Variants in CHTF18 observed in about 807,000 individuals in gnomAD.
CHTF18 encodes the protein chromosome transmission fidelity factor 18.
A neutral mutation model predicts 113.4 loss-of-function variants in CHTF18; 151 were observed. The ratio of observed to expected loss-of-function variants is 1.33; its 90% CI spans 1.17 to 1.52. CHTF18 has a LOEUF of 1.52. CHTF18 is among the 40% of genes most tolerant of loss of function. CHTF18 has a pLI of 0.00. For synonymous variants in CHTF18, 916 were observed against 598.8 expected (o/e 1.53, Z -7.74); for missense variants, 1,982 against 1,381.6 (o/e 1.43, Z -6.89).
At chr16:789,449 G>A (rs2042105620) in intron 3 of CHTF18, 89 bp downstream of exon 3, 5 of 1,535,078 alleles carry the variant, frequency 3.3e-6, no homozygotes, top group African/African-American at 2.7e-5. Context: ...GGCCTGGGGG[G>A]TGGGGAGGGT....
chr16:790,307 C>A (rs3765262), intron 5 of CHTF18, 38 bp downstream of exon 5: 77,722 of 1,609,852 alleles, frequency 0.048, 4,050 homozygotes, highest in East Asian at 0.29. Context: ...GGTGGCGGGG[C>A]CGCCTGAGCC....
At position 789,302 on chromosome 16, in the gene CHTF18, C is replaced by A. The variant is rs762444998; in HGVS notation, c.379C>A (p.Pro127Thr). The change falls in exon 3 of 22, where the codon CCG (proline) becomes ACG (threonine). Residue 127 changes from proline to threonine, a missense_variant. By Grantham distance (38) the Pro-to-Thr change is conservative (BLOSUM62 -1). Transcript: ENST00000262315. ...GGAGCCGCCCCCTCCCGACTCCTCGCCGACGGACATCACCCCGCCGCCGAG... is the reference window on the plus strand; with the variant it reads ...GGAGCCGCCCCCTCCCGACTCCTCGACGACGGACATCACCCCGCCGCCGAG... ...MEEPPPPDSS[P>T]TDITPPPSPE... The A allele has an allele frequency of 4.4e-6, 7 of 1,596,670 alleles. No homozygotes were observed. Among genetic ancestry groups the A allele is most frequent in the Admixed American group, 1.7e-5 (1 of 57,872 alleles).
chr16:791,718 T>C, intron 8 of CHTF18, 133 bp from the exon 9 acceptor site: 1 of 1,443,390 alleles, frequency 6.9e-7, no homozygotes, highest in Non-Finnish European at 9.1e-7. Flanking sequence ...CTCAATTTTG[T>C]TCTTATTTGA....
chr16:796,639 C>T (rs1051063859), intron 18 of CHTF18, 78 bp from the exon 19 acceptor site: 81 of 1,441,776 alleles, frequency 5.6e-5, no homozygotes, highest in Admixed American at 7.6e-5. Flanking sequence ...TTGGGGTTTG[C>T]GGTTGGAGTG....
At chr16:789,447 G>A (rs1032636748) in intron 3 of CHTF18, 87 bp downstream of exon 3, 8 of 1,535,238 alleles carry the variant, frequency 5.2e-6, no homozygotes, top group Admixed American at 3.8e-5. Context: ...GAGGCCTGGG[G>A]GGTGGGGAGG....
intron 15 of CHTF18, 32 bp downstream of exon 15, chr16:794,233 G>T (rs2151647171): frequency 1.2e-6 from 2 of 1,602,778 alleles, no homozygotes; most frequent in Non-Finnish European, 1.7e-6. Flanking sequence ...GCCTGCCTGG[G>T]GCCGCCTGGC....
chr16:797,511 G>A (rs1021430192), intron 20 of CHTF18, among the ~76,000 whole-genome samples, 183 bp from the exon 21 acceptor site: 1 of 152,136 alleles, frequency 6.6e-6, no homozygotes, highest in Non-Finnish European at 1.5e-5. Context: ...TTCTTGATTG[G>A]CACCTGGTGG....
rs756054960 is a variant in CHTF18, at chr16:796,901, C to T, written c.2601+40C>T. ...GCTCTGGAGCAGGTTGCAGTCTGGG[C>T]GTGCACCATCCCCACTGTATCCCTG... On this transcript the variant is annotated intron_variant, in intron 19 of 21. Coordinates refer to ENST00000262315, the MANE Select transcript of CHTF18 (RefSeq NM_022092.3). The T allele has an allele frequency of 1.5e-5, 24 of 1,558,534 alleles. 1 individual carries two copies. In the East Asian group the frequency reaches 1.8e-4, roughly 12 times the overall value.
Position 789,275 on chromosome 16 carries a change from G to A in CHTF18, c.352G>A (p.Glu118Lys). ...GCTGAACTTCAGATCGGAGGAGATG[G>A]AGGAGCCGCCCCCTCCCGACTCCTC... ...KRLNFRSEEM[E>K]EPPPPDSSPT... is the part of the protein sequence containing the mutation. The change falls in exon 3 of 22, where the codon GAG becomes AAG. Residue 118 changes from glutamate (E) to lysine (K), a missense_variant. Coordinates refer to ENST00000262315, the MANE Select transcript of CHTF18 (RefSeq NM_022092.3). 6.4e-7 allele frequency: 1 copy of A among 1,574,162 alleles called. No homozygotes were observed. Among genetic ancestry groups the A allele is most frequent in the Non-Finnish European group, 8.6e-7 (1 of 1,161,178 alleles).
In CHTF18 at chr16:793,718, C is replaced by T. The variant is rs116197382; in HGVS notation, c.1803-336C>T. ...GGACCCCAGGGGATGCTGGCCTGGT[C>T]GTGCTGCAGGATATGGGAGACGCTG... On this transcript the variant is annotated intron_variant, in intron 14 of 21. Coordinates refer to ENST00000262315, the MANE Select transcript of CHTF18 (RefSeq NM_022092.3). 1,643 of 639,592 alleles carry T rather than the reference C, an allele frequency of 2.6e-3. 16 individuals carry two copies. The highest frequency in any genetic ancestry group is 0.025 in the African/African-American group (1,415 of 56,022). 39.6% of individuals were successfully genotyped at this position (639,592 alleles called of 1,614,324 possible). A position where few individuals can be genotyped will look rare whatever the true frequency, so the allele number is the denominator to read the frequency against.
chr16:791,541 G>A lies in CHTF18; in HGVS notation c.1104+171G>A, dbSNP rs117110675. On this transcript the variant is annotated intron_variant, in intron 8 of 21. Transcript: ENST00000262315. Reference sequence around the variant, plus strand: ...AACTGGAGCGTTGCAGTAACAACTCGGGGGAAGTCGTTGTCCCTGAAGGGC... The same window carrying A: ...AACTGGAGCGTTGCAGTAACAACTCAGGGGAAGTCGTTGTCCCTGAAGGGC... The A allele has an allele frequency of 6.6e-4, 946 of 1,435,278 alleles. 17 individuals are homozygous for A. The East Asian group carries it at 0.02, about 30-fold the overall frequency. 88.9% of individuals were successfully genotyped at this position (1,435,278 alleles called of 1,614,324 possible).
intron 9 of CHTF18, 91 bp downstream of exon 9, chr16:792,039 C>T (rs984353195): frequency 2.6e-5 from 41 of 1,547,744 alleles, no homozygotes; most frequent in Middle Eastern, 3.3e-4. Context: ...TGGATGTTCC[C>T]GTCTTGAGGG....
rs535457171 is a variant in CHTF18, at chr16:798,044, C to T, written c.*69C>T. Reference sequence around the variant, plus strand: ...TGCAGAGACAGGAAGCTGGAGATGTCTTTATAAAGTCACACCTTTACAGAC... The same window carrying T: ...TGCAGAGACAGGAAGCTGGAGATGTTTTTATAAAGTCACACCTTTACAGAC... On this transcript the variant is annotated 3_prime_UTR_variant, in exon 22 of 22. Coordinates refer to ENST00000262315, the MANE Select transcript of CHTF18 (RefSeq NM_022092.3). 1,078 of 1,543,872 alleles carry T rather than the reference C, an allele frequency of 7.0e-4. 1 individual carries two copies. The highest frequency in any genetic ancestry group is 9.2e-4 in the Non-Finnish European group (1,055 of 1,143,572).
intron 15 of CHTF18, among the ~76,000 whole-genome samples, chr16:794,459 G>T (rs542515161): frequency 6.6e-6 from 1 of 152,202 alleles, no homozygotes; most frequent in African/African-American, 2.4e-5. Context: ...TCTGGTGGCT[G>T]CTTGGGACTC....
chr16:795,724 A>G lies in CHTF18; in HGVS notation c.2215A>G (p.Thr739Ala), dbSNP rs2042324393. The G allele has an allele frequency of 4.4e-6, 7 of 1,605,980 alleles. No homozygotes were observed. Among genetic ancestry groups the G allele is most frequent in the African/African-American group, 1.4e-5 (1 of 72,852 alleles). The change falls in exon 17 of 22, where the codon ACG becomes GCG. Residue 739 changes from threonine (T) to alanine (A), a missense_variant. By Grantham distance (58) the Thr-to-Ala change is moderately conservative (BLOSUM62 0). Transcript: ENST00000262315. ...RMSQMRNLIQ[T>A]LVSGIAPATR... ...GAGCCAGATGAGGAACCTGATCCAG[A>G]CGCTGGTGTCCGGCATCGCGCCAGC...
At chr16:788,879 TG>T in intron 1 of CHTF18, 51 bp from the exon 2 acceptor site, 1 of 1,502,206 alleles carries the variant, frequency 6.7e-7, no homozygotes, top group Non-Finnish European at 8.8e-7. Flanking sequence ...ACGTCGCCGC[TG>T]GCGGGATCTG....
At chr16:792,912 C>G in intron 12 of CHTF18, 54 bp from the exon 13 acceptor site, 1 of 1,537,664 alleles carries the variant, frequency 6.5e-7, no homozygotes. Context: ...ACCCTGGTAA[C>G]CCCTGAAAGG....
rs555523794 is a variant in CHTF18 at position 789,324 on chromosome 16, C to T, written c.401C>T (p.Pro134Leu). 15 of 1,602,496 alleles carry T rather than the reference C, an allele frequency of 9.4e-6. No homozygotes were observed. The highest frequency in any genetic ancestry group is 3.4e-5 in the Admixed American group (2 of 58,858). ...TCGCCGACGGACATCACCCCGCCGC[C>T]GAGCCCTGAGGACCTCGCAGAGCTT... ...DSSPTDITPP[P>L]SPEDLAELWG... Residue 134 changes from proline to leucine, a missense_variant, in exon 3 of 22, where the codon CCG becomes CTG. By Grantham distance (98) the Pro-to-Leu change is moderately conservative. Coordinates refer to ENST00000262315, the MANE Select transcript of CHTF18 (RefSeq NM_022092.3).
chr16:793,660 G>A (rs753002193), intron 14 of CHTF18: 16 of 536,670 alleles, frequency 3.0e-5, no homozygotes, highest in Admixed American at 2.2e-4. Context: ...GTGGGCAGGA[G>A]CAGCCAGCAT....
Sources: allele counts gnomAD v4.1 joint callset (sites outside exome capture counted in the v4.1 genomes callset), GRCh38; gene constraint gnomAD v4.1.1; transcripts MANE v1.5; gene names NCBI Gene and HGNC (gene_info 2026-07-23, HGNC 2026-07-21).